Variants in FCHSD2 observed in about 807,000 individuals in gnomAD.
The protein encoded by FCHSD2 is F-BAR and double SH3 domains protein 2.
FCHSD2 carries 38 observed loss-of-function variants against 108.1 expected under a neutral mutation model. The observed-to-expected ratio is 0.35, with a 90% CI of 0.27 to 0.46. The LOEUF (loss-of-function observed/expected upper bound fraction) is 0.46, where lower values mean the gene tolerates loss of function less well. Ranked by LOEUF, FCHSD2 falls within the 20% of genes least tolerant of loss-of-function variation. FCHSD2 has a pLI of 1.00. For missense variants in FCHSD2, 751 were observed against 897.8 expected (o/e 0.84, Z 2.09); for synonymous variants, 279 against 314.7 (o/e 0.89, Z 1.20).
In FCHSD2 at chr11:72,836,825, T is replaced by A. The variant is rs1325322916; in HGVS notation, c.*1966A>T. 1.3e-5 allele frequency: 2 copies of A among 152,594 alleles called. No individual in the cohort carries two copies. The highest frequency in any genetic ancestry group is 2.9e-5 in the Non-Finnish European group (2 of 68,028). The allele number at this position is 152,594 out of a possible 1,614,324, so 9.5% of individuals were successfully genotyped here. ...ACAGCCACTGTAAAGAAAGCACATC[T>A]GCACAGAGGCTCCCTCCGAGCCCTG... On this transcript the variant is annotated 3_prime_UTR_variant, in exon 20 of 20. Transcript: ENST00000409418.
At chr11:73,077,962 G>A (rs1289920756) in intron 3 of FCHSD2, among the ~76,000 whole-genome samples, 1 of 152,130 alleles carries the variant, frequency 6.6e-6, no homozygotes, top group African/African-American at 2.4e-5. Flanking sequence ...GTAAGAGTGA[G>A]GGCAGTAATG....
At chr11:73,067,831 C>T (rs1555082993) in intron 3 of FCHSD2, among the ~76,000 whole-genome samples, 1 of 152,172 alleles carries the variant, frequency 6.6e-6, no homozygotes, top group Non-Finnish European at 1.5e-5. Flanking sequence ...TTATGAGGTA[C>T]CTGCATTAGT....
intron 5 of FCHSD2, among the ~76,000 whole-genome samples, chr11:72,992,503 A>G (rs1857436333): frequency 6.6e-6 from 1 of 152,228 alleles, no homozygotes; most frequent in Non-Finnish European, 1.5e-5. Context: ...CCTGACTTCA[A>G]ACTATACTAC....
At chr11:73,077,078 C>T (rs1859572167) in intron 3 of FCHSD2, among the ~76,000 whole-genome samples, 2 of 144,146 alleles carry the variant, frequency 1.4e-5, no homozygotes, top group Admixed American at 1.4e-4. Context: ...CCATTGCACT[C>T]CAGCCTGAGA....
chr11:73,025,785 A>G (rs1858214083), intron 3 of FCHSD2, among the ~76,000 whole-genome samples: 1 of 152,162 alleles, frequency 6.6e-6, no homozygotes, highest in Admixed American at 6.5e-5. Context: ...ATTTTTTTAA[A>G]GCTATATAGT....
chr11:72,905,481 C>G (rs183693329), intron 9 of FCHSD2, among the ~76,000 whole-genome samples: 1 of 152,176 alleles, frequency 6.6e-6, no homozygotes. Flanking sequence ...GGTACATAGG[C>G]ACAACGTGCA....
At chr11:72,884,321 A>T (rs532483588) in intron 12 of FCHSD2, among the ~76,000 whole-genome samples, 2 of 152,200 alleles carry the variant, frequency 1.3e-5, no homozygotes, top group South Asian at 4.1e-4. Context: ...TAGGAAATAC[A>T]TGTTTATTCT....
At chr11:73,125,152 G>A (rs1056429157) in intron 2 of FCHSD2, among the ~76,000 whole-genome samples, 2 of 152,216 alleles carry the variant, frequency 1.3e-5, no homozygotes, top group Non-Finnish European at 2.9e-5. Flanking sequence ...TCCTTAAGCT[G>A]AAAGAAAATG....
intron 2 of FCHSD2, among the ~76,000 whole-genome samples, chr11:73,096,420 G>A (rs983388864): frequency 2.0e-5 from 3 of 151,488 alleles, no homozygotes; most frequent in Admixed American, 6.6e-5. Context: ...ATGTGGTGGC[G>A]GGCGCCTGTA....
At chr11:72,869,478 A>C (rs1854804256) in intron 12 of FCHSD2, 2 of 151,794 alleles carry the variant, frequency 1.3e-5, no homozygotes, top group Admixed American at 1.3e-4. Flanking sequence ...GAGACAGAGA[A>C]CATGAACAAA....
chr11:72,914,264 C>T (rs926925822), intron 9 of FCHSD2, among the ~76,000 whole-genome samples: 1 of 152,138 alleles, frequency 6.6e-6, no homozygotes, highest in African/African-American at 2.4e-5. Flanking sequence ...ATCTGCCCAC[C>T]GTGGCCTCCC....
chr11:73,036,192 G>A (rs915378406), intron 3 of FCHSD2, among the ~76,000 whole-genome samples: 11 of 152,184 alleles, frequency 7.2e-5, no homozygotes, highest in Admixed American at 7.2e-4. Flanking sequence ...CTTCCCAGTG[G>A]AGTTGACCTG....
intron 13 of FCHSD2, among the ~76,000 whole-genome samples, chr11:72,851,304 G>GT (rs1437654667): frequency 5.9e-5 from 9 of 152,124 alleles, no homozygotes; most frequent in African/African-American, 2.2e-4. Flanking sequence ...GCACCAAGGT[G>GT]TAAGACTATG....
chr11:72,991,850 C>G (rs902215828), intron 5 of FCHSD2, among the ~76,000 whole-genome samples: 1 of 152,146 alleles, frequency 6.6e-6, no homozygotes, highest in African/African-American at 2.4e-5. Context: ...AAAACTGGCA[C>G]AAGACAGGGA....
intron 4 of FCHSD2, among the ~76,000 whole-genome samples, chr11:73,003,113 C>T (rs1857660085): frequency 1.3e-5 from 2 of 152,214 alleles, no homozygotes; most frequent in Admixed American, 1.3e-4. Flanking sequence ...AGATTTATAG[C>T]AGGGAAACAT....
chr11:72,907,243 T>C (rs1443964584), intron 9 of FCHSD2, among the ~76,000 whole-genome samples: 3 of 152,180 alleles, frequency 2.0e-5, no homozygotes, highest in Admixed American at 6.5e-5. Context: ...GCTGAGACAA[T>C]GGGGTTTTCT....
At chr11:73,136,796 G>A (rs956736636) in intron 2 of FCHSD2, among the ~76,000 whole-genome samples, 14 of 152,128 alleles carry the variant, frequency 9.2e-5, no homozygotes, top group Non-Finnish European at 1.0e-4. Context: ...TTGGGAGGCC[G>A]AGGCGGGTGG....
intron 2 of FCHSD2, among the ~76,000 whole-genome samples, chr11:73,123,040 A>C (rs1860770773): frequency 6.6e-6 from 1 of 152,222 alleles, no homozygotes; most frequent in African/African-American, 2.4e-5. Context: ...AAAATAATTA[A>C]TTTTAAAAGA....
intron 3 of FCHSD2, among the ~76,000 whole-genome samples, chr11:73,032,585 G>GA (rs111425392): frequency 0.024 from 3,379 of 139,094 alleles, 135 homozygotes; most frequent in African/African-American, 0.081. Flanking sequence ...CTTCCTAACT[G>GA]AAAAAAAAAA....
Sources: gnomAD v4.1 joint callset for allele counts (sites outside exome capture counted in the v4.1 genomes callset) on GRCh38, gnomAD v4.1.1 for gene constraint, MANE v1.5 for transcripts, NCBI Gene and HGNC (gene_info 2026-07-23, HGNC 2026-07-21) for gene names.